RREB1: variants seen among roughly 807,000 people sequenced by gnomAD.
RREB1 encodes the protein ras responsive element binding protein 1, also known as ras-responsive element-binding protein 1.
RREB1 carries 27 observed loss-of-function variants against 117.8 expected under a neutral mutation model. The ratio of observed to expected loss-of-function variants is 0.23; its 90% confidence interval spans 0.17 to 0.32. RREB1 has a LOEUF of 0.32. RREB1 is among the 10% of genes least tolerant of loss of function. RREB1 has a pLI of 1.00. For synonymous variants in RREB1, 1,298 were observed against 1,026.7 expected (o/e 1.26, Z -5.05); for missense variants, 2,577 against 2,378.2 (o/e 1.08, Z -1.74).
intron 1 of RREB1, among the ~76,000 whole-genome samples, chr6:7,134,143 A>C (rs531211117): frequency 6.6e-6 from 1 of 152,320 alleles, no homozygotes; most frequent in East Asian, 1.9e-4. Flanking sequence ...CATAGTATTA[A>C]ACTTTTTATG....
At chr6:7,222,453 GA>G in intron 8 of RREB1, among the ~76,000 whole-genome samples, 1 of 152,152 alleles carries the variant, frequency 6.6e-6, no homozygotes, top group East Asian at 1.9e-4. Flanking sequence ...TCTGGTCCCT[GA>G]GCCCACATCC....
At chr6:7,223,436 C>A (rs1239965720) in intron 8 of RREB1, among the ~76,000 whole-genome samples, 34 of 151,772 alleles carry the variant, frequency 2.2e-4, no homozygotes, top group African/African-American at 8.2e-4. Context: ...TGGCGCATGC[C>A]TGTAATCCTA....
chr6:7,184,273 TA>T (rs1251222153), intron 4 of RREB1, among the ~76,000 whole-genome samples: 4 of 149,258 alleles, frequency 2.7e-5, no homozygotes, highest in African/African-American at 1.0e-4. Flanking sequence ...TTATTATTAT[TA>T]TTTTTTTTAT....
chr6:7,149,770 C>G (rs909864649), intron 1 of RREB1, among the ~76,000 whole-genome samples: 2 of 152,216 alleles, frequency 1.3e-5, no homozygotes, highest in Non-Finnish European at 2.9e-5. Context: ...TCACTGCAAC[C>G]TGGCGCCTCC....
In RREB1 at chr6:7,186,123, C is replaced by T. The variant is rs78699075; in HGVS notation, c.172-1311C>T. On this transcript the variant is annotated intron_variant, in intron 4 of 12. Transcript: ENST00000379938. ...AAGATGCCCGAGGATAGGAAATGAC[C>T]CAGAGCCTAGACAGAGCATCCAGCC... is the stretch of plus-strand genomic sequence containing the variant. Among the ~76,000 whole-genome samples, 579 of 152,238 alleles carry T rather than the reference C, an allele frequency of 3.8e-3. 2 individuals carry two copies. Among genetic ancestry groups the T allele is most frequent in the African/African-American group, 0.013 (549 of 41,526 alleles).
At chr6:7,165,130 A>T (rs1301922778) in intron 1 of RREB1, among the ~76,000 whole-genome samples, 1 of 152,216 alleles carries the variant, frequency 6.6e-6, no homozygotes, top group Non-Finnish European at 1.5e-5. Context: ...AGGCTGTTAG[A>T]GTTGGAGCTG....
At chr6:7,157,613 A>T (rs1175854908) in intron 1 of RREB1, among the ~76,000 whole-genome samples, 2 of 151,978 alleles carry the variant, frequency 1.3e-5, no homozygotes, top group African/African-American at 4.8e-5. Flanking sequence ...TCTCCAAAAA[A>T]AAAATAAAGT....
intron 6 of RREB1, among the ~76,000 whole-genome samples, chr6:7,209,486 GTTCCCATTAACTT>G (rs1766461748): frequency 6.6e-6 from 1 of 151,462 alleles, no homozygotes; most frequent in African/African-American, 2.4e-5. Context: ...AAAGCTACTT[GTTCCCATTAACTT>G]TCACAAGGCT....
intron 11 of RREB1, among the ~76,000 whole-genome samples, chr6:7,243,069 A>G (rs1768814003): frequency 6.6e-6 from 1 of 152,178 alleles, no homozygotes; most frequent in Non-Finnish European, 1.5e-5. Context: ...AAAGTGTTTA[A>G]GCTCTCCCTT....
rs144103121 is a variant in RREB1, at chr6:7,224,871, C to T, written c.708-1596C>T. On this transcript the variant is annotated intron_variant, in intron 8 of 12. Coordinates refer to ENST00000379938, the MANE Select transcript of RREB1 (RefSeq NM_001003699.4). ...CTGTGTTTTGAGTGGCTCATGGGAACCCGGGTTTGGGGTTCCAAAGGTAGC... is the reference window on the plus strand; with the variant it reads ...CTGTGTTTTGAGTGGCTCATGGGAATCCGGGTTTGGGGTTCCAAAGGTAGC... 1.8e-3 allele frequency among the ~76,000 whole-genome samples: 275 copies of T among 152,212 alleles called. 1 individual carries two copies. Among genetic ancestry groups the T allele is most frequent in the Admixed American group, 4.6e-3 (71 of 15,290 alleles).
At chr6:7,130,151 C>T (rs1424494781) in intron 1 of RREB1, among the ~76,000 whole-genome samples, 1 of 152,232 alleles carries the variant, frequency 6.6e-6, no homozygotes, top group Non-Finnish European at 1.5e-5. Context: ...GTGCCTTCAC[C>T]TGCCCTCACT....
At chr6:7,216,325 C>G (rs1386673435) in intron 8 of RREB1, 2 of 152,230 alleles carry the variant, frequency 1.3e-5, no homozygotes, top group African/African-American at 2.4e-5. Flanking sequence ...GATTTTACAT[C>G]AGAGGCTGTG....
chr6:7,167,429 CT>C (rs1464238659), intron 1 of RREB1, among the ~76,000 whole-genome samples: 7 of 147,674 alleles, frequency 4.7e-5, no homozygotes, highest in African/African-American at 1.8e-4. Flanking sequence ...TCTTGGTTCA[CT>C]GCAACCTCTG....
chr6:7,153,236 TA>T (rs1384316661), intron 1 of RREB1, among the ~76,000 whole-genome samples: 16 of 151,274 alleles, frequency 1.1e-4, no homozygotes, highest in Non-Finnish European at 1.5e-5. Flanking sequence ...GTAGAACTAT[TA>T]TTTTTTTTTA....
intron 6 of RREB1, among the ~76,000 whole-genome samples, chr6:7,198,606 A>C (rs1765784693): frequency 6.6e-6 from 1 of 152,202 alleles, no homozygotes; most frequent in Non-Finnish European, 1.5e-5. Context: ...TGAACTGTAT[A>C]TATCTCCTTA....
chr6:7,223,434 G>C (rs1192054339), intron 8 of RREB1, among the ~76,000 whole-genome samples: 34 of 151,806 alleles, frequency 2.2e-4, no homozygotes, highest in African/African-American at 8.2e-4. Context: ...GGTGGCGCAT[G>C]CCTGTAATCC....
chr6:7,139,850 C>T (rs1762486654), intron 1 of RREB1, among the ~76,000 whole-genome samples: 1 of 152,122 alleles, frequency 6.6e-6, no homozygotes, highest in Non-Finnish European at 1.5e-5. Context: ...AAAAAAAATT[C>T]CTTCTTGGTC....
At chr6:7,219,217 C>G (rs1767098635) in intron 8 of RREB1, 1 of 151,112 alleles carries the variant, frequency 6.6e-6, no homozygotes, top group Non-Finnish European at 1.5e-5. Flanking sequence ...TTGCAGTGAG[C>G]TGAGATCGCA....
chr6:7,172,723 G>T (rs900382032), intron 1 of RREB1, among the ~76,000 whole-genome samples: 1 of 151,370 alleles, frequency 6.6e-6, no homozygotes, highest in Admixed American at 6.6e-5. Context: ...TTGGGTTGCC[G>T]CCCTATCCAA....
Sources: gnomAD v4.1 joint callset for allele counts (sites outside exome capture counted in the v4.1 genomes callset) on GRCh38, gnomAD v4.1.1 for gene constraint, MANE v1.5 for transcripts, NCBI Gene and HGNC (gene_info 2026-07-23, HGNC 2026-07-21) for gene names.